Variants in NEXN observed in about 807,000 individuals in gnomAD.
NEXN encodes the protein nexilin.
A neutral mutation model predicts 92.6 loss-of-function variants in NEXN; 65 were observed. The ratio of observed to expected loss-of-function variants is 0.70; its 90% CI spans 0.57 to 0.86. The LOEUF is 0.86. NEXN is among the 40% of genes least tolerant of loss of function. The pLI, the probability that NEXN is intolerant of heterozygous loss-of-function variation, is 0.00. For synonymous variants in NEXN, 254 were observed against 242.5 expected (o/e 1.05, Z -0.44); for missense variants, 778 against 771.1 (o/e 1.01, Z -0.11).
intron 1 of NEXN, chr1:77,889,347 C>T (rs1409235963): frequency 6.3e-5 from 8 of 126,608 alleles, no homozygotes; most frequent in Admixed American, 1.8e-4. Context: ...CCACTCCTGT[C>T]TCCAACCCTT....
intron 5 of NEXN, among the ~76,000 whole-genome samples, chr1:77,923,160 ATT>A (rs763944057): frequency 6.4e-5 from 8 of 124,360 alleles, no homozygotes; most frequent in Admixed American, 1.7e-4. Context: ...CACCCAGCTA[ATT>A]TTTTTTTTTT....
chr1:77,943,102 T>C lies in NEXN; in HGVS notation c.*273T>C. The C allele has an allele frequency of 2.3e-6, 1 of 429,068 alleles. No homozygotes were observed. The highest frequency in any genetic ancestry group is 4.4e-6 in the Non-Finnish European group (1 of 228,118). 26.6% of individuals were successfully genotyped at this position (429,068 alleles called of 1,614,324 possible). On this transcript the variant is annotated 3_prime_UTR_variant, in exon 13 of 13. Coordinates refer to ENST00000334785, the MANE Select transcript of NEXN (RefSeq NM_144573.4). ...ACTTCTTTTCCAAATAAGCATCAGA[T>C]TTATCGCCTATTATGCAGTAACAGT...
chr1:77,942,476 G>A lies in NEXN; in HGVS notation c.1675G>A (p.Glu559Lys). 1 of 1,613,476 alleles carries A rather than the reference G, an allele frequency of 6.2e-7. No individual in the cohort carries two copies. The highest frequency in any genetic ancestry group is 8.5e-7 in the Non-Finnish European group (1 of 1,179,774). The change falls in exon 13 of 13, where the codon GAG becomes AAG. Residue 559 changes from glutamate (E) to lysine (K), a missense_variant. This residue lies in a region of NEXN where 532 missense variants were observed against 476.7 expected (regional missense o/e 1.12). Transcript: ENST00000334785. ...AALQKKREEE[E>K]EEEGSIMNGS... ...TTTAATACAGAAAAGAGAAGAGGAG[G>A]AGGAGGAAGAAGGTAGCATCATGAA...
At chr1:77,909,965 T>C (rs1648432366) in intron 1 of NEXN, among the ~76,000 whole-genome samples, 1 of 152,318 alleles carries the variant, frequency 6.6e-6, no homozygotes, top group East Asian at 1.9e-4. Context: ...TTTTATCAAA[T>C]TGATTCCAGC....
chr1:77,925,157 A>C (rs1465057358), intron 5 of NEXN, 31 bp from the exon 6 acceptor site: 1 of 1,451,404 alleles, frequency 6.9e-7, no homozygotes, highest in Non-Finnish European at 9.7e-7. Context: ...AATCTGATGT[A>C]ATGTAATGAT....
chr1:77,891,560 C>T lies in NEXN; in HGVS notation c.-53+2801C>T, dbSNP rs114813864. Among the ~76,000 whole-genome samples, 1,080 of 151,804 alleles carry T rather than the reference C, an allele frequency of 7.1e-3. 13 individuals carry two copies. Among genetic ancestry groups the T allele is most frequent in the African/African-American group, 0.025 (1,020 of 41,404 alleles). On this transcript the variant is annotated intron_variant, in intron 1 of 12. Transcript: ENST00000334785. ...AAGGTTGGTGAAATTCACTTCTCAC[C>T]GTCCATCCTGGGCCTCTTCCCTGTC...
In NEXN at chr1:77,893,783, G is replaced by A. The variant is rs574482424; in HGVS notation, c.-53+5024G>A. 1.6e-3 allele frequency among the ~76,000 whole-genome samples: 249 copies of A among 151,908 alleles called. 1 individual carries two copies. The highest frequency in any genetic ancestry group is 3.7e-3 in the Admixed American group (57 of 15,254). Reference sequence around the variant, plus strand: ...GCAAAGTGTTATTTATACTTATTGCGGAAGGATATCAAGGCAGGTTGAAAG... The same window carrying A: ...GCAAAGTGTTATTTATACTTATTGCAGAAGGATATCAAGGCAGGTTGAAAG... On this transcript the variant is annotated intron_variant, in intron 1 of 12. Transcript: ENST00000334785.
At chr1:77,925,263 C>G (rs752029172) in intron 6 of NEXN, 34 bp downstream of exon 6, 2 of 1,407,368 alleles carry the variant, frequency 1.4e-6, no homozygotes, top group Non-Finnish European at 2.0e-6. Context: ...AAACATTCAC[C>G]TAAAATTATC....
At position 77,926,444 on chromosome 1, in the gene NEXN, G is replaced by A. The variant is rs763542738; in HGVS notation, c.520G>A (p.Val174Ile). The A allele has an allele frequency of 1.2e-6, 2 of 1,605,310 alleles. No individual in the cohort carries two copies. The highest frequency in any genetic ancestry group is 1.1e-5 in the South Asian group (1 of 89,872). ...EGDDSLLITV[V>I]PVKSYKTSGK... is the part of the protein sequence containing the mutation. The stretch of plus-strand genomic sequence containing the variant: ...AGATGATTCACTACTTATAACTGTG[G>A]TACCTGTCAAATCATATAAAACATC... The change falls in exon 7 of 13, where the codon GTA becomes ATA. Residue 174 changes from valine (V) to isoleucine (I), a missense_variant. Val to Ile is a conservative substitution (Grantham distance 29, BLOSUM62 3). Transcript: ENST00000334785.
intron 1 of NEXN, among the ~76,000 whole-genome samples, chr1:77,889,690 A>G (rs1282853618): frequency 6.6e-6 from 1 of 152,220 alleles, no homozygotes; most frequent in African/African-American, 2.4e-5. Flanking sequence ...CAAGGTAAAA[A>G]TAGCATAAGG....
chr1:77,915,553 C>T (rs1306996865), intron 1 of NEXN, among the ~76,000 whole-genome samples: 1 of 152,018 alleles, frequency 6.6e-6, no homozygotes, highest in Non-Finnish European at 1.5e-5. Flanking sequence ...GGTGTGAACC[C>T]GGGAGGCAGA....
At chr1:77,903,906 C>T (rs1647909709) in intron 1 of NEXN, among the ~76,000 whole-genome samples, 1 of 152,112 alleles carries the variant, frequency 6.6e-6, no homozygotes, top group African/African-American at 2.4e-5. Context: ...GCCTGGGCGA[C>T]AGAGTGAGAT....
chr1:77,918,857 A>G (rs1649200514), intron 5 of NEXN, among the ~76,000 whole-genome samples: 1 of 152,144 alleles, frequency 6.6e-6, no homozygotes, highest in African/African-American at 2.4e-5. Context: ...ATTTTTCTTT[A>G]CAAGTTAGAG....
chr1:77,892,127 G>T (rs771679233), intron 1 of NEXN, among the ~76,000 whole-genome samples: 1 of 151,586 alleles, frequency 6.6e-6, no homozygotes, highest in Non-Finnish European at 1.5e-5. Flanking sequence ...CTTAAAAATT[G>T]GTACATTTTA....
At chr1:77,935,025 C>CA (rs1471161571) in intron 10 of NEXN, among the ~76,000 whole-genome samples, 2 of 152,178 alleles carry the variant, frequency 1.3e-5, no homozygotes, top group Non-Finnish European at 2.9e-5. Context: ...TGCACAGTAT[C>CA]AGAGCCAGGA....
At chr1:77,892,744 T>C (rs1647136473) in intron 1 of NEXN, among the ~76,000 whole-genome samples, 1 of 152,194 alleles carries the variant, frequency 6.6e-6, no homozygotes, top group Non-Finnish European at 1.5e-5. Context: ...TAGTGTCGAT[T>C]AGAGCTGGAA....
intron 1 of NEXN, among the ~76,000 whole-genome samples, chr1:77,902,772 T>C (rs1401748291): frequency 6.6e-6 from 1 of 152,134 alleles, no homozygotes; most frequent in Non-Finnish European, 1.5e-5. Context: ...TATAAAAATG[T>C]TTAAAGTTTA....
chr1:77,934,457 T>G (rs1416580857), intron 10 of NEXN, among the ~76,000 whole-genome samples: 2 of 152,198 alleles, frequency 1.3e-5, no homozygotes, highest in East Asian at 3.8e-4. Flanking sequence ...TGTCTTGAAA[T>G]TCTTAATTTT....
At chr1:77,941,951 C>T in intron 11 of NEXN, 72 bp from the exon 12 acceptor site, 1 of 1,437,076 alleles carries the variant, frequency 7.0e-7, no homozygotes, top group Non-Finnish European at 9.6e-7. Context: ...CTTCTAAACA[C>T]CTTTAGAACT....
Sources: gnomAD v4.1 joint callset for allele counts (sites outside exome capture counted in the v4.1 genomes callset) on GRCh38, gnomAD v4.1.1 for gene constraint, gnomAD v4.1.1 regional missense constraint, MANE v1.5 for transcripts, NCBI Gene and HGNC (gene_info 2026-07-23, HGNC 2026-07-21) for gene names.